Variants in SIK3 observed in about 807,000 individuals in gnomAD.
SIK3 encodes serine/threonine-protein kinase SIK3.
SIK3 carries 28 observed loss-of-function variants against 144.2 expected under a neutral mutation model. The observed-to-expected ratio is 0.19, with a 90% CI of 0.14 to 0.27. The LOEUF is 0.27. SIK3 is among the 10% of genes least tolerant of loss of function. The probability of loss-of-function intolerance (pLI) is 1.00; values close to 1 mark genes in which losing one functional copy is unlikely to be tolerated. For missense variants in SIK3, 1,319 were observed against 1,776.0 expected (o/e 0.74, Z 4.62); for synonymous variants, 686 against 676.3 (o/e 1.01, Z -0.22).
At chr11:117,087,963 C>T (rs1226208461) in intron 1 of SIK3, among the ~76,000 whole-genome samples, 1 of 152,166 alleles carries the variant, frequency 6.6e-6, no homozygotes, top group Non-Finnish European at 1.5e-5. Flanking sequence ...GGCGTGATGG[C>T]TCACACCCGT....
At chr11:116,892,356 T>C (rs1409353497) in intron 6 of SIK3, among the ~76,000 whole-genome samples, 1 of 152,116 alleles carries the variant, frequency 6.6e-6, no homozygotes, top group Non-Finnish European at 1.5e-5. Flanking sequence ...TAAAATGTAA[T>C]GAGTGACTCA....
At chr11:116,860,383 G>A (rs996661921) in intron 19 of SIK3, among the ~76,000 whole-genome samples, 2 of 152,124 alleles carry the variant, frequency 1.3e-5, no homozygotes, top group Non-Finnish European at 2.9e-5. Flanking sequence ...AAGGATCCTA[G>A]GGAGACTGAC....
At chr11:116,944,145 G>C (rs1001274564) in intron 3 of SIK3, among the ~76,000 whole-genome samples, 1 of 152,014 alleles carries the variant, frequency 6.6e-6, no homozygotes, top group African/African-American at 2.4e-5. Flanking sequence ...AATAAGAGTT[G>C]CGTTTAATAG....
chr11:116,847,370 C>T, intron 23 of SIK3, 106 bp downstream of exon 23: 1 of 1,490,710 alleles, frequency 6.7e-7, no homozygotes, highest in Non-Finnish European at 9.2e-7. Flanking sequence ...TGCTGTGGCT[C>T]TACCTCCCCA....
At chr11:116,990,419 C>T (rs556412894) in intron 1 of SIK3, among the ~76,000 whole-genome samples, 1 of 152,230 alleles carries the variant, frequency 6.6e-6, no homozygotes, top group Non-Finnish European at 1.5e-5. Flanking sequence ...GGTCAGGAGG[C>T]TTACCAAAAC....
rs559308304 is a variant in SIK3, at chr11:116,858,250, T to C, written c.3215A>G (p.Gln1072Arg). ...EYQELFRHMN[Q>R]GDAGSLAPSL... is the part of the protein sequence containing the mutation. ...GGGAGCCAGACTCCCCGCATCCCCT[T>C]GGTTCATGTGCCTGAACAGTTCCTG... The change falls in exon 21 of 25, where the codon CAA (glutamine) becomes CGA (arginine). Residue 1072 changes from glutamine (Q) to arginine (R), a missense_variant. By Grantham distance (43) the Gln-to-Arg change is conservative. Around this residue, in one of 8 missense-constraint regions of SIK3, gnomAD observed 646 missense variants for 763.7 expected, o/e 0.85. Transcript: ENST00000445177. This position sits in a 1 kb window ranked among gnomAD's most constrained non-coding sequence, Gnocchi z 5.4. 3 of 1,614,076 alleles carry C rather than the reference T, an allele frequency of 1.9e-6. No individual in the cohort carries two copies. The African/African-American group carries it at 4.0e-5, about 22-fold the overall frequency.
At chr11:116,936,169 T>G (rs1364207643) in intron 3 of SIK3, among the ~76,000 whole-genome samples, 1 of 152,170 alleles carries the variant, frequency 6.6e-6, no homozygotes. Flanking sequence ...CAAACTGAAC[T>G]AGCGTTCTCT....
intron 1 of SIK3, among the ~76,000 whole-genome samples, chr11:117,049,695 C>T (rs1361421535): frequency 6.6e-6 from 1 of 152,010 alleles, no homozygotes; most frequent in East Asian, 1.9e-4. Context: ...CAATGGCTCA[C>T]ACCTAGTCCC....
At chr11:117,090,746 G>C (rs1955207351) in intron 1 of SIK3, among the ~76,000 whole-genome samples, 1 of 152,204 alleles carries the variant, frequency 6.6e-6, no homozygotes, top group South Asian at 2.1e-4. Flanking sequence ...CATCTGACTA[G>C]CAGATTTAAA....
chr11:116,959,745 T>C (rs543843760), intron 1 of SIK3, among the ~76,000 whole-genome samples: 1 of 152,296 alleles, frequency 6.6e-6, no homozygotes, highest in East Asian at 1.9e-4. Flanking sequence ...CACAATCACG[T>C]GGGTAGATAA....
Position 116,863,622 on chromosome 11 carries a change from C to G in SIK3, c.2103+46G>C, listed in dbSNP as rs753032172. 2.5e-6 allele frequency: 4 copies of G among 1,612,426 alleles called. No homozygotes were observed. In the East Asian group the frequency reaches 8.9e-5, roughly 36 times the overall value. Reference sequence around the variant, plus strand: ...CCCAGTCCTCCTGCAATCCTGGCCTCTGTCACCCATGCTCCTCCAGGGATG... The same window carrying G: ...CCCAGTCCTCCTGCAATCCTGGCCTGTGTCACCCATGCTCCTCCAGGGATG... On this transcript the variant is annotated intron_variant, in intron 16 of 24. Transcript: ENST00000445177.
intron 1 of SIK3, among the ~76,000 whole-genome samples, chr11:117,009,765 C>A (rs1477913881): frequency 6.6e-6 from 1 of 152,070 alleles, no homozygotes; most frequent in East Asian, 1.9e-4. Flanking sequence ...GAATCTTTAT[C>A]ACCTTCCTGA....
At chr11:116,960,039 A>C (rs1273106153) in intron 1 of SIK3, among the ~76,000 whole-genome samples, 2 of 152,236 alleles carry the variant, frequency 1.3e-5, no homozygotes, top group Non-Finnish European at 2.9e-5. Flanking sequence ...AATGTACCCC[A>C]TAAATATGTA....
chr11:116,870,500 T>G, intron 13 of SIK3, 99 bp from the exon 14 acceptor site: 1 of 1,527,646 alleles, frequency 6.5e-7, no homozygotes, highest in Non-Finnish European at 8.9e-7. Context: ...CTGTTAACTT[T>G]CTTATTTACA....
intron 1 of SIK3, among the ~76,000 whole-genome samples, chr11:117,083,793 T>C (rs916909874): frequency 2.0e-5 from 3 of 152,184 alleles, no homozygotes; most frequent in Admixed American, 6.5e-5. Flanking sequence ...TGAACCAAGA[T>C]TGCTTCCGCC....
intron 1 of SIK3, among the ~76,000 whole-genome samples, chr11:116,966,311 T>C (rs773683547): frequency 1.2e-4 from 19 of 152,234 alleles, no homozygotes; most frequent in Non-Finnish European, 2.2e-4. Flanking sequence ...GGGAAGATCA[T>C]TTGAGTCCAA....
At chr11:117,051,930 T>G (rs1190414082) in intron 1 of SIK3, among the ~76,000 whole-genome samples, 1 of 151,372 alleles carries the variant, frequency 6.6e-6, no homozygotes, top group Non-Finnish European at 1.5e-5. Context: ...GATCACGAGG[T>G]CAGGAGTTTG....
intron 3 of SIK3, among the ~76,000 whole-genome samples, chr11:116,953,742 G>A (rs1228007150): frequency 6.6e-6 from 1 of 152,220 alleles, no homozygotes; most frequent in Non-Finnish European, 1.5e-5. Context: ...ATTAAAACCT[G>A]CAAACAGGAA....
intron 6 of SIK3, among the ~76,000 whole-genome samples, chr11:116,878,748 C>T (rs1393243703): frequency 6.6e-6 from 1 of 152,196 alleles, no homozygotes; most frequent in Admixed American, 6.5e-5. Flanking sequence ...ATGTTTAACA[C>T]ACTCTCATCC....
Sources: allele counts gnomAD v4.1 joint callset (sites outside exome capture counted in the v4.1 genomes callset), GRCh38; gene constraint gnomAD v4.1.1; regional missense constraint gnomAD v4.1.1; non-coding constraint Gnocchi (gnomAD v3.1); transcripts MANE v1.5; gene names NCBI Gene and HGNC (gene_info 2026-07-23, HGNC 2026-07-21).